PLG: variants seen among roughly 807,000 people sequenced by gnomAD.
PLG encodes the protein plasmin.
Under a neutral mutation model 104.4 loss-of-function variants are expected in PLG, and 41 were observed. The ratio of observed to expected loss-of-function variants is 0.39; its 90% CI spans 0.31 to 0.51. The LOEUF (loss-of-function observed/expected upper bound fraction) is 0.51. Among genes scored for constraint, PLG ranks in the 20% least tolerant of loss-of-function variants. The pLI is 0.76. For synonymous variants in PLG, 337 were observed against 357.1 expected (o/e 0.94, Z 0.63); for missense variants, 891 against 1,003.6 (o/e 0.89, Z 1.52).
rs1778126752 is a variant in PLG, at chr6:160,738,494, A to G, written c.1803-44A>G. ...GGCTTTCTGTACAATGGAGCAGAAC[A>G]AAGTATCAATTTAACTAAAATTTGA... On this transcript the variant is annotated intron_variant, in intron 14 of 18. Coordinates refer to ENST00000308192, the MANE Select transcript of PLG (RefSeq NM_000301.5). The surrounding 1 kb of genome is among the most constrained non-coding windows in gnomAD (Gnocchi z 6.8). 4 of 1,159,242 alleles carry G rather than the reference A, an allele frequency of 3.5e-6. No homozygotes were observed. The highest frequency in any genetic ancestry group is 1.5e-5 in the African/African-American group (1 of 66,220). The allele number at this position is 1,159,242 out of a possible 1,614,324, so 71.8% of individuals were successfully genotyped here.
Position 160,753,486 on chromosome 6 carries a change from C to T in PLG, c.*425C>T, listed in dbSNP as rs887554209. Among the ~76,000 whole-genome samples the T allele has an allele frequency of 1.3e-5, 2 of 152,194 alleles. No individual in the cohort carries two copies. Among genetic ancestry groups the T allele is most frequent in the African/African-American group, 2.4e-5 (1 of 41,446 alleles). On this transcript the variant is annotated 3_prime_UTR_variant, in exon 19 of 19. Transcript: ENST00000308192. This position sits in a 1 kb window ranked among gnomAD's most constrained non-coding sequence, Gnocchi z 5.4. ...ACCTCATCAGCTAACGAGGGCTTGA[C>T]ATGCATTTTTACTGTCTTTATTCCT...
chr6:160,707,123 A>T (rs1158042402), intron 2 of PLG, among the ~76,000 whole-genome samples: 1 of 152,120 alleles, frequency 6.6e-6, no homozygotes, highest in South Asian at 2.1e-4. Flanking sequence ...AGCACCAGGA[A>T]GGCAGGGGAA....
rs3057066 is a variant in PLG at position 160,720,410 on chromosome 6, C to CTTTTTTTTTTTTTTTT, written c.1096+1584_1096+1599dup. Among the ~76,000 whole-genome samples the CTTTTTTTTTTTTTTTT allele has an allele frequency of 3.2e-4, 19 of 58,528 alleles. 3 individuals carry two copies. Among genetic ancestry groups the CTTTTTTTTTTTTTTTT allele is most frequent in the South Asian group, 8.7e-4 (1 of 1,148 alleles). The allele number at this position is 58,528 out of a possible 152,430, so 38.4% of individuals were successfully genotyped here. On this transcript the variant is annotated intron_variant, in intron 9 of 18. Transcript: ENST00000308192. ...TCTTTTCTCTTTTTTCTTTTCTTTT[C>CTTTTTTTTTTTTTTTT]TTTTTTTTTTTTTTTTTTTTTTTTT...
In PLG at chr6:160,735,396, T is replaced by G. The variant is rs1209058821; in HGVS notation, c.1681+1308T>G. On this transcript the variant is annotated intron_variant, in intron 13 of 18. Coordinates refer to ENST00000308192, the MANE Select transcript of PLG (RefSeq NM_000301.5). This position sits in a 1 kb window ranked among gnomAD's most constrained non-coding sequence, Gnocchi z 5.4. ...AAGGGAAGTGCAGTAGTTTCCCAGG[T>G]GCAATTCTGGTGTCCTCACCCACAT... Among the ~76,000 whole-genome samples the G allele has an allele frequency of 2.0e-5, 3 of 152,168 alleles. No homozygotes were observed. The highest frequency in any genetic ancestry group is 4.4e-5 in the Non-Finnish European group (3 of 68,042).
chr6:160,714,808 T>A lies in PLG; in HGVS notation c.562T>A (p.Cys188Ser). Residue 188 changes from cysteine (C) to serine (S), a missense_variant, in exon 6 of 19, where the codon TGC becomes AGC. Around this residue, in one of 2 missense-constraint regions of PLG, gnomAD observed 854 missense variants for 932.1 expected, o/e 0.92. Transcript: ENST00000308192. ...ACTCTGTCCAGAGGAATGTATGCAT[T>A]GCAGTGGAGAAAACTATGACGGCAA... ...ILECEEECMH[C>S]SGENYDGKIS... 6.2e-7 allele frequency: 1 copy of A among 1,613,788 alleles called. No homozygotes were observed. The highest frequency in any genetic ancestry group is 8.5e-7 in the Non-Finnish European group (1 of 1,179,704).
chr6:160,711,904 T>C lies in PLG; in HGVS notation c.407+713T>C, dbSNP rs1460164313. On this transcript the variant is annotated intron_variant, in intron 4 of 18. Coordinates refer to ENST00000308192, the MANE Select transcript of PLG (RefSeq NM_000301.5). ...TGAAATTCAAATGTTGCAACTTGCCTATTATTTATTTTAGTGCATTTTTTT... is the reference window on the plus strand; with the variant it reads ...TGAAATTCAAATGTTGCAACTTGCCCATTATTTATTTTAGTGCATTTTTTT... 5.9e-6 allele frequency: 8 copies of C among 1,353,360 alleles called. No individual in the cohort carries two copies. The African/African-American group carries it at 1.0e-4, about 18-fold the overall frequency. 83.8% of individuals were successfully genotyped at this position (1,353,360 alleles called of 1,614,324 possible).
intron 10 of PLG, 25 bp downstream of exon 10, chr6:160,722,592 G>A: frequency 6.2e-7 from 1 of 1,607,424 alleles, no homozygotes; most frequent in Non-Finnish European, 8.5e-7. Flanking sequence ...TTTACTGTAA[G>A]AGGGGCATCA....
chr6:160,729,733 G>T (rs1211607180), intron 10 of PLG, among the ~76,000 whole-genome samples: 1 of 152,168 alleles, frequency 6.6e-6, no homozygotes, highest in Admixed American at 6.5e-5. Flanking sequence ...GTGGGAAGAG[G>T]GTAGCAGGAA....
intron 3 of PLG, among the ~76,000 whole-genome samples, chr6:160,710,085 A>C (rs951228324): frequency 5.3e-5 from 8 of 152,180 alleles, no homozygotes; most frequent in Non-Finnish European, 1.2e-4. Flanking sequence ...TTTGAAGTGG[A>C]CCATATCTCG....
In PLG at chr6:160,753,112, G is replaced by T. The variant is rs747840571; in HGVS notation, c.*51G>T. 1.8e-6 allele frequency: 2 copies of T among 1,142,638 alleles called. No individual in the cohort carries two copies. The highest frequency in any genetic ancestry group is 5.2e-4 in the Middle Eastern group (2 of 3,848). 70.8% of individuals were successfully genotyped at this position (1,142,638 alleles called of 1,614,324 possible). ...TGACTCACCTAGAGGCTGGAACGTG[G>T]GTAGGGATTTAGCATGCTGGAAATA... is the stretch of plus-strand genomic sequence containing the variant. On this transcript the variant is annotated 3_prime_UTR_variant, in exon 19 of 19. Transcript: ENST00000308192. The surrounding 1 kb of genome is among the most constrained non-coding windows in gnomAD (Gnocchi z 5.4).
rs140323614 is a variant in PLG, at chr6:160,753,232, G to C, written c.*171G>C. On this transcript the variant is annotated 3_prime_UTR_variant, in exon 19 of 19. Transcript: ENST00000308192. The surrounding 1 kb of genome is among the most constrained non-coding windows in gnomAD (Gnocchi z 5.4). Reference sequence around the variant, plus strand: ...TATTTTCTGACTGCTGGATTCTGTAGTAAGGTGACATAGCTATGACATTTG... The same window carrying C: ...TATTTTCTGACTGCTGGATTCTGTACTAAGGTGACATAGCTATGACATTTG... 322 of 602,906 alleles carry C rather than the reference G, an allele frequency of 5.3e-4. 1 individual carries two copies. In the Middle Eastern group the frequency reaches 0.017, roughly 31 times the overall value. The allele number at this position is 602,906 out of a possible 1,614,324, so 37.3% of individuals were successfully genotyped here. A position where few individuals can be genotyped will look rare whatever the true frequency, so the allele number is the denominator to read the frequency against.
intron 10 of PLG, among the ~76,000 whole-genome samples, chr6:160,722,911 A>T (rs1338408360): frequency 6.6e-6 from 1 of 152,110 alleles, no homozygotes; most frequent in Non-Finnish European, 1.5e-5. Flanking sequence ...TACCATAGAA[A>T]TCTATCATTT....
rs181876036 is a variant in PLG, at chr6:160,742,915, C to A, written c.2125+1498C>A. On this transcript the variant is annotated intron_variant, in intron 17 of 18. Transcript: ENST00000308192. Reference sequence around the variant, plus strand: ...TTTATTGAATAGGGAGTTATTTTCCCATTGCTTGTTTTTGTCAGCTTTGTT... The same window carrying A: ...TTTATTGAATAGGGAGTTATTTTCCAATTGCTTGTTTTTGTCAGCTTTGTT... Among the ~76,000 whole-genome samples, 44 of 152,132 alleles carry A rather than the reference C, an allele frequency of 2.9e-4. No homozygotes were observed. The East Asian group carries it at 7.9e-3, about 27-fold the overall frequency.
rs1408443963 is a variant in PLG, at chr6:160,714,922, TC to T, written c.668+9del. The T allele has an allele frequency of 6.2e-7, 1 of 1,613,218 alleles. No individual in the cohort carries two copies. The highest frequency in any genetic ancestry group is 2.2e-5 in the East Asian group (1 of 44,874). On this transcript the variant is annotated intron_variant, in intron 6 of 18. Coordinates refer to ENST00000308192, the MANE Select transcript of PLG (RefSeq NM_000301.5). ...TGGATACATTCCTTCCAAGTAAGTC[TC>T]ACTGGGAAAAACATTCCATGTTTAA...
rs138011858 is a variant in PLG at position 160,731,825 on chromosome 6, G to T, written c.1519G>T (p.Ala507Ser). 21 of 1,613,790 alleles carry T rather than the reference G, an allele frequency of 1.3e-5. No individual in the cohort carries two copies. In the African/African-American group the frequency reaches 2.3e-4, roughly 17 times the overall value. ...VTGTPCQDWA[A>S]QEPHRHSIFT... is the part of the protein sequence containing the mutation. ...TGGGACGCCATGCCAGGACTGGGCT[G>T]CCCAGGAGCCCCATAGACACAGCAT... Residue 507 changes from alanine (A) to serine (S), a missense_variant, in exon 12 of 19, where the codon GCC (alanine) becomes TCC (serine). Transcript: ENST00000308192. The surrounding 1 kb of genome is among the most constrained non-coding windows in gnomAD (Gnocchi z 5.1).
rs1777919688 is a variant in PLG, at chr6:160,726,263, A to G, written c.1256+3696A>G. Among the ~76,000 whole-genome samples the G allele has an allele frequency of 6.6e-6, 1 of 152,084 alleles. No homozygotes were observed. Among genetic ancestry groups the G allele is most frequent in the African/African-American group, 2.4e-5 (1 of 41,442 alleles). ...AGAGTCTGTTTTTGAGCAAAACAGAATTAAATGAGATATAAATAACAAAAA... is the reference window on the plus strand; with the variant it reads ...AGAGTCTGTTTTTGAGCAAAACAGAGTTAAATGAGATATAAATAACAAAAA... On this transcript the variant is annotated intron_variant, in intron 10 of 18. Transcript: ENST00000308192. The surrounding 1 kb of genome is among the most constrained non-coding windows in gnomAD (Gnocchi z 4.4).
At position 160,739,054 on chromosome 6, in the gene PLG, C is replaced by A; in HGVS notation, c.1878-14C>A. On this transcript the variant is annotated splice_polypyrimidine_tract_variant and intron_variant, in intron 15 of 18. Coordinates refer to ENST00000308192, the MANE Select transcript of PLG (RefSeq NM_000301.5). This position sits in a 1 kb window ranked among gnomAD's most constrained non-coding sequence, Gnocchi z 4.4. ...TGGACCATATTTTCCTCTTGACGTC[C>A]TCATCTTTTCTAGGTCCCCAAGGCC... 6.2e-7 allele frequency: 1 copy of A among 1,613,922 alleles called. No individual in the cohort carries two copies. The highest frequency in any genetic ancestry group is 8.5e-7 in the Non-Finnish European group (1 of 1,179,838).
intron 9 of PLG, among the ~76,000 whole-genome samples, chr6:160,721,263 T>C (rs1777822812): frequency 6.6e-6 from 1 of 152,118 alleles, no homozygotes; most frequent in African/African-American, 2.4e-5. Context: ...CCCCCTTGGG[T>C]TTTTTGGTGT....
rs548299009 is a variant in PLG at position 160,730,569 on chromosome 6, C to A, written c.1257-482C>A. Reference sequence around the variant, plus strand: ...TAAGGTGACTGGCCTGGGAATGATACCATCTTGGATGTCATTTTCTCCTTG... The same window carrying A: ...TAAGGTGACTGGCCTGGGAATGATAACATCTTGGATGTCATTTTCTCCTTG... On this transcript the variant is annotated intron_variant, in intron 10 of 18. Transcript: ENST00000308192. Among the ~76,000 whole-genome samples the A allele has an allele frequency of 2.6e-5, 4 of 152,284 alleles. No homozygotes were observed. The East Asian group carries it at 7.7e-4, about 29-fold the overall frequency.
Sources: gnomAD v4.1 joint callset for allele counts (sites outside exome capture counted in the v4.1 genomes callset) on GRCh38, gnomAD v4.1.1 for gene constraint, gnomAD v4.1.1 regional missense constraint, Gnocchi (gnomAD v3.1) non-coding constraint, MANE v1.5 for transcripts, NCBI Gene and HGNC (gene_info 2026-07-23, HGNC 2026-07-21) for gene names.